The following SLC5A9 variants were observed in gnomAD, a reference collection of about 807,000 sequenced individuals.
SLC5A9 encodes the protein solute carrier family 5 member 9, also known as sodium/glucose cotransporter 4.
Under a neutral mutation model 70.9 loss-of-function variants are expected in SLC5A9, and 59 were observed. The ratio of observed to expected loss-of-function variants is 0.83; its 90% CI spans 0.68 to 1.03. SLC5A9 has a LOEUF of 1.03. Ranked by LOEUF, SLC5A9 falls within the 50% of genes least tolerant of loss-of-function variation. The probability of loss-of-function intolerance (pLI) is 0.00; values close to 1 mark genes in which losing one functional copy is unlikely to be tolerated. For missense variants in SLC5A9, 832 were observed against 881.1 expected, an observed-to-expected ratio of 0.94 and a Z score of 0.71; for synonymous variants, 340 against 346.5, an observed-to-expected ratio of 0.98 and a Z score of 0.21.
Position 48,231,559 on chromosome 1 carries a change from G to A in SLC5A9, c.625G>A (p.Val209Met), listed in dbSNP as rs571691782. 26 of 1,614,044 alleles carry A rather than the reference G, an allele frequency of 1.6e-5. No individual in the cohort carries two copies. Among genetic ancestry groups the A allele is most frequent in the Admixed American group, 1.0e-4 (6 of 60,026 alleles). Residue 209 changes from valine (V) to methionine (M), a missense_variant, in exon 6 of 14, where the codon GTG (valine) becomes ATG (methionine). Transcript: ENST00000438567. ...VYTIAGGLMA[V>M]IYTDALQTVI... ...TGGGTCCCCAGGTGGCCTCATGGCC[G>A]TGATCTACACAGATGCTCTGCAGAC...
intron 9 of SLC5A9, among the ~76,000 whole-genome samples, chr1:48,235,357 C>G (rs1440150690): frequency 6.6e-6 from 1 of 152,210 alleles, no homozygotes; most frequent in Non-Finnish European, 1.5e-5. Context: ...CAGCAACCCA[C>G]TAACCAAGTG....
intron 9 of SLC5A9, 88 bp from the exon 10 acceptor site, chr1:48,235,641 C>G (rs2148579182): frequency 6.6e-7 from 1 of 1,511,598 alleles, no homozygotes; most frequent in Admixed American, 1.8e-5. Flanking sequence ...CAGCTCCTGA[C>G]TCTACAGAAT....
In SLC5A9 at chr1:48,235,745, G is replaced by T; in HGVS notation, c.1158G>T (p.Met386Ile). 6.2e-7 allele frequency: 1 copy of T among 1,614,194 alleles called. No individual in the cohort carries two copies. Among genetic ancestry groups the T allele is most frequent in the Non-Finnish European group, 8.5e-7 (1 of 1,180,040 alleles). ...TCTCCCCAGGTCTGCGGGGGCTGAT[G>T]ATTGCCGTGATCATGGCCGCTCTCA... ...ALMPVGLRGLMIAVIMAALMS... is the reference protein window; with the variant it reads ...ALMPVGLRGLIIAVIMAALMS... The change falls in exon 10 of 14, where the codon ATG becomes ATT. Residue 386 changes from methionine (M) to isoleucine (I), a missense_variant. Transcript: ENST00000438567.
intron 1 of SLC5A9, among the ~76,000 whole-genome samples, chr1:48,223,771 T>C (rs893527146): frequency 3.3e-5 from 5 of 152,188 alleles, no homozygotes; most frequent in African/African-American, 1.2e-4. Flanking sequence ...CTTCTAGTGC[T>C]GGTGTGAGGA....
At chr1:48,244,204 G>A (rs769277556) in intron 13 of SLC5A9, among the ~76,000 whole-genome samples, 2 of 152,150 alleles carry the variant, frequency 1.3e-5, no homozygotes, top group Non-Finnish European at 2.9e-5. Flanking sequence ...CATTGGATTG[G>A]CCATAGCTCT....
intron 5 of SLC5A9, 87 bp downstream of exon 5, chr1:48,230,792 A>G (rs1028083345): frequency 3.2e-5 from 32 of 988,900 alleles, no homozygotes; most frequent in Middle Eastern, 2.1e-4. Context: ...CCAGAGAGAG[A>G]GACAGAGTGA....
At chr1:48,241,173 C>T (rs952287955) in intron 12 of SLC5A9, 2 of 152,188 alleles carry the variant, frequency 1.3e-5, no homozygotes, top group African/African-American at 4.8e-5. Flanking sequence ...CACCCTACAA[C>T]ACCCCTGGGC....
In SLC5A9 at chr1:48,233,730, A is replaced by G. The variant is rs925883686; in HGVS notation, c.1109A>G (p.Tyr370Cys). ...CGAGTGGGATGTTCCAACATTGCCTACCCTAAGTTGGTCATGGCCCTCATG... is the reference window on the plus strand; with the variant it reads ...CGAGTGGGATGTTCCAACATTGCCTGCCCTAAGTTGGTCATGGCCCTCATG... ...GARVGCSNIA[Y>C]PKLVMALMPV... The change falls in exon 9 of 14, where the codon TAC becomes TGC. Residue 370 changes from tyrosine to cysteine, a missense_variant. Coordinates refer to ENST00000438567, the MANE Select transcript of SLC5A9 (RefSeq NM_001011547.3). 6.2e-7 allele frequency: 1 copy of G among 1,613,946 alleles called. No homozygotes were observed. Among genetic ancestry groups the G allele is most frequent in the South Asian group, 1.1e-5 (1 of 91,062 alleles).
chr1:48,244,363 G>C (rs1644425449), intron 13 of SLC5A9, among the ~76,000 whole-genome samples: 1 of 152,058 alleles, frequency 6.6e-6, no homozygotes, highest in Non-Finnish European at 1.5e-5. Context: ...GGTTTTAGGG[G>C]CCCTATACTT....
chr1:48,248,550 G>C lies in SLC5A9; in HGVS notation c.*1007G>C, dbSNP rs1164936016. The stretch of plus-strand genomic sequence containing the variant: ...CAGCACTGATCACACTGAGATGGAA[G>C]ACTCCAGGGGGCAAGGACCAAGGGC... On this transcript the variant is annotated 3_prime_UTR_variant, in exon 14 of 14. Transcript: ENST00000438567. 1.3e-5 allele frequency: 2 copies of C among 152,368 alleles called. No individual in the cohort carries two copies. The highest frequency in any genetic ancestry group is 1.5e-5 in the Non-Finnish European group (1 of 68,158). 9.4% of individuals were successfully genotyped at this position (152,368 alleles called of 1,614,324 possible). A position where few individuals can be genotyped will look rare whatever the true frequency, so the allele number is the denominator to read the frequency against.
intron 12 of SLC5A9, among the ~76,000 whole-genome samples, chr1:48,240,066 G>C (rs1644374914): frequency 6.6e-6 from 1 of 152,224 alleles, no homozygotes; most frequent in African/African-American, 2.4e-5. Flanking sequence ...CCTGTCACAA[G>C]CAACGGCCCT....
intron 13 of SLC5A9, among the ~76,000 whole-genome samples, chr1:48,244,690 C>G (rs1435886729): frequency 7.4e-6 from 1 of 134,370 alleles, no homozygotes; most frequent in East Asian, 2.2e-4. Context: ...CCAATTACTT[C>G]ATGGTATATT....
chr1:48,247,413 C>T lies in SLC5A9; in HGVS notation c.1916C>T (p.Pro639Leu). 1.2e-6 allele frequency: 2 copies of T among 1,614,154 alleles called. No homozygotes were observed. Among genetic ancestry groups the T allele is most frequent in the Non-Finnish European group, 1.7e-6 (2 of 1,180,034 alleles). Reference protein sequence around the residue: ...LSGTPEQALSPAEKAALEQKL... With the variant: ...LSGTPEQALSLAEKAALEQKL... ...GGAACACCGGAGCAGGCCCTGAGCC[C>T]AGCAGAGAAGGCTGCGCTAGAACAG... Residue 639 changes from proline to leucine, a missense_variant, in exon 14 of 14, where the codon CCA becomes CTA. Physicochemically the swap from Pro to Leu is moderately conservative, Grantham distance 98 (BLOSUM62 -3). Transcript: ENST00000438567.
Position 48,247,691 on chromosome 1 carries a change from C to A in SLC5A9, c.*148C>A. ...TCCCCTGAAGAGAATCCAACTCAAC[C>A]TGCACACTTGACAAGTGGAGAAACA... is the stretch of plus-strand genomic sequence containing the variant. On this transcript the variant is annotated 3_prime_UTR_variant, in exon 14 of 14. Transcript: ENST00000438567. 1 of 736,550 alleles carries A rather than the reference C, an allele frequency of 1.4e-6. No homozygotes were observed. The highest frequency in any genetic ancestry group is 2.3e-6 in the Non-Finnish European group (1 of 440,106). 45.6% of individuals were successfully genotyped at this position (736,550 alleles called of 1,614,324 possible).
intron 2 of SLC5A9, 96 bp downstream of exon 2, chr1:48,224,891 C>G: frequency 8.0e-7 from 1 of 1,247,092 alleles, no homozygotes. Context: ...CACACCTGGA[C>G]CAAGGCAAAG....
At chr1:48,231,901 G>T (rs777095034) in intron 6 of SLC5A9, 45 bp from the exon 7 acceptor site, 10 of 1,611,682 alleles carry the variant, frequency 6.2e-6, no homozygotes, top group Non-Finnish European at 8.5e-6. Context: ...TGAGTGACAG[G>T]CTCAGTGGGG....
chr1:48,236,341 G>T (rs1486420652), intron 10 of SLC5A9, among the ~76,000 whole-genome samples: 1 of 152,148 alleles, frequency 6.6e-6, no homozygotes, highest in African/African-American at 2.4e-5. Context: ...ATATGGCCCT[G>T]CCCTCAGCGT....
At chr1:48,227,448 G>A (rs201656421) in intron 2 of SLC5A9, among the ~76,000 whole-genome samples, 5 of 128,666 alleles carry the variant, frequency 3.9e-5, no homozygotes, top group Admixed American at 8.1e-5. Context: ...GTGTGTGTAT[G>A]TGTGAGAGAG....
chr1:48,223,670 C>G (rs1569801947), intron 1 of SLC5A9, among the ~76,000 whole-genome samples: 1 of 152,118 alleles, frequency 6.6e-6, no homozygotes, highest in Admixed American at 6.5e-5. Flanking sequence ...GATTCAAGTC[C>G]CAGATGGTCA....
Sources: allele counts gnomAD v4.1 joint callset (sites outside exome capture counted in the v4.1 genomes callset), GRCh38; gene constraint gnomAD v4.1.1; transcripts MANE v1.5; gene names NCBI Gene and HGNC (gene_info 2026-07-23, HGNC 2026-07-21).